Variants in MAGI3 observed in about 807,000 individuals in gnomAD.
MAGI3 encodes membrane-associated guanylate kinase, WW and PDZ domain-containing protein 3.
In MAGI3, 43 loss-of-function variants were observed where a neutral mutation model predicts 121.8. That is an observed-to-expected ratio of 0.35 (90% CI 0.28 to 0.46). The LOEUF (loss-of-function observed/expected upper bound fraction) is 0.46. Among genes scored for constraint, MAGI3 ranks in the 20% least tolerant of loss-of-function variants. MAGI3 has a pLI of 1.00. For missense variants in MAGI3, 1,547 were observed against 1,797.3 expected (o/e 0.86, Z 2.52); for synonymous variants, 553 against 639.3 (o/e 0.86, Z 2.04).
intron 2 of MAGI3, among the ~76,000 whole-genome samples, chr1:113,562,387 C>T (rs892086848): frequency 6.6e-6 from 1 of 151,564 alleles, no homozygotes; most frequent in African/African-American, 2.4e-5. Context: ...TGGGAGACCG[C>T]GAGACTCCAT....
intron 8 of MAGI3, among the ~76,000 whole-genome samples, chr1:113,620,989 A>T (rs1295571580): frequency 2.0e-5 from 3 of 152,242 alleles, no homozygotes; most frequent in Non-Finnish European, 4.4e-5. Context: ...ATTAATAGAC[A>T]TGTACAAGTT....
At chr1:113,615,355 G>T (rs141699094) in intron 7 of MAGI3, among the ~76,000 whole-genome samples, 3 of 152,066 alleles carry the variant, frequency 2.0e-5, no homozygotes, top group African/African-American at 7.2e-5. Flanking sequence ...GACCTCAAGC[G>T]TCTAGCAGCA....
chr1:113,531,791 C>T (rs1302476310), intron 1 of MAGI3, among the ~76,000 whole-genome samples: 1 of 152,044 alleles, frequency 6.6e-6, no homozygotes, highest in Non-Finnish European at 1.5e-5. Context: ...TGATACACAA[C>T]AGAAATCACC....
chr1:113,568,734 G>C lies in MAGI3; in HGVS notation c.434-11808G>C, dbSNP rs113427963. 4.8e-3 allele frequency among the ~76,000 whole-genome samples: 727 copies of C among 151,982 alleles called. 4 individuals carry two copies. The highest frequency in any genetic ancestry group is 7.2e-3 in the Non-Finnish European group (490 of 67,906). On this transcript the variant is annotated intron_variant, in intron 2 of 20. Transcript: ENST00000307546. ...AATAAATTATTTTGAGTAGTCATTT[G>C]GAAAAAAAGGAAATTAGACTGGTAC... is the stretch of plus-strand genomic sequence containing the variant.
chr1:113,509,688 G>T (rs1657519561), intron 1 of MAGI3, among the ~76,000 whole-genome samples: 2 of 120,370 alleles, frequency 1.7e-5, no homozygotes, highest in South Asian at 6.2e-4. Flanking sequence ...CTATAACAAA[G>T]CTTTTTTTCG....
At chr1:113,455,045 C>T (rs1217446584) in intron 1 of MAGI3, among the ~76,000 whole-genome samples, 1 of 151,934 alleles carries the variant, frequency 6.6e-6, no homozygotes, top group Non-Finnish European at 1.5e-5. Context: ...CTGGGCATTA[C>T]CTCTTGTTCA....
chr1:113,424,621 G>A (rs1652906175), intron 1 of MAGI3, among the ~76,000 whole-genome samples: 1 of 152,154 alleles, frequency 6.6e-6, no homozygotes. Flanking sequence ...GTTGTTGCAT[G>A]TAGCAATTAT....
intron 1 of MAGI3, among the ~76,000 whole-genome samples, chr1:113,397,003 C>T (rs1651148265): frequency 6.6e-6 from 1 of 152,066 alleles, no homozygotes; most frequent in African/African-American, 2.4e-5. Flanking sequence ...CTCAAGTCAT[C>T]ACAAAAAGAG....
chr1:113,671,755 G>A lies in MAGI3; in HGVS notation c.2837G>A (p.Gly946Glu). ...ACAGAGCATCATGGTCCACCATCAG[G>A]AACAAACTCAGCCAGGCAAAGCCCA... ...AEEEHHGPPSGTNSARQSPAL... is the reference protein window; with the variant it reads ...AEEEHHGPPSETNSARQSPAL... Residue 946 changes from glycine (G) to glutamate (E), a missense_variant, in exon 17 of 21, where the codon GGA becomes GAA. Gly to Glu is a moderately conservative substitution (Grantham distance 98). Transcript: ENST00000307546. 1 of 1,614,184 alleles carries A rather than the reference G, an allele frequency of 6.2e-7. No individual in the cohort carries two copies. The highest frequency in any genetic ancestry group is 8.5e-7 in the Non-Finnish European group (1 of 1,180,024).
intron 19 of MAGI3, among the ~76,000 whole-genome samples, chr1:113,673,673 C>A (rs1647697150): frequency 6.6e-6 from 1 of 152,202 alleles, no homozygotes; most frequent in Non-Finnish European, 1.5e-5. Flanking sequence ...GTGTGCTAAA[C>A]CATATTGCAG....
At chr1:113,616,042 C>T (rs1167680597) in intron 7 of MAGI3, among the ~76,000 whole-genome samples, 3 of 152,128 alleles carry the variant, frequency 2.0e-5, no homozygotes, top group Non-Finnish European at 2.9e-5. Context: ...TCTTTATTAT[C>T]CATTCCAAGT....
At chr1:113,609,798 T>C (rs1201146736) in intron 6 of MAGI3, among the ~76,000 whole-genome samples, 1 of 152,220 alleles carries the variant, frequency 6.6e-6, no homozygotes, top group East Asian at 1.9e-4. Context: ...AAAATAGTTT[T>C]GTCTTTTGAA....
chr1:113,633,302 C>G (rs1344916552), intron 9 of MAGI3, among the ~76,000 whole-genome samples: 1 of 110,746 alleles, frequency 9.0e-6, no homozygotes, highest in Non-Finnish European at 1.7e-5. Flanking sequence ...CGCTCTGTCG[C>G]CCAGGCTGGA....
At position 113,409,562 on chromosome 1, in the gene MAGI3, G is replaced by A. The variant is rs545091901; in HGVS notation, c.316+18213G>A. 3.3e-5 allele frequency among the ~76,000 whole-genome samples: 5 copies of A among 152,196 alleles called. No homozygotes were observed. In the South Asian group the frequency reaches 1.0e-3, roughly 32 times the overall value. On this transcript the variant is annotated intron_variant, in intron 1 of 20. Coordinates refer to ENST00000307546, the MANE Select transcript of MAGI3 (RefSeq NM_001142782.2). The stretch of plus-strand genomic sequence containing the variant: ...AGAGGCTGAGGCAAGAGAATCACCT[G>A]GGCCCAGGAGGTCAGTGCTCCAGTG...
intron 16 of MAGI3, among the ~76,000 whole-genome samples, chr1:113,659,729 G>A (rs1257740484): frequency 6.6e-6 from 1 of 152,174 alleles, no homozygotes; most frequent in African/African-American, 2.4e-5. Flanking sequence ...CAGGGTAAAG[G>A]AGTGCGTGGG....
At chr1:113,646,874 TAC>T (rs1473967313) in intron 12 of MAGI3, among the ~76,000 whole-genome samples, 1 of 152,138 alleles carries the variant, frequency 6.6e-6, no homozygotes, top group African/African-American at 2.4e-5. Flanking sequence ...GTAACCAGAA[TAC>T]AGAGATAAAT....
At chr1:113,423,096 C>T (rs1029222521) in intron 1 of MAGI3, among the ~76,000 whole-genome samples, 2 of 152,072 alleles carry the variant, frequency 1.3e-5, no homozygotes, top group African/African-American at 4.8e-5. Flanking sequence ...GAGTTCTTGT[C>T]CCACATCCAG....
chr1:113,576,220 CA>C (rs1014737210), intron 2 of MAGI3, among the ~76,000 whole-genome samples: 157 of 151,428 alleles, frequency 1.0e-3, no homozygotes, highest in African/African-American at 3.6e-3. Flanking sequence ...CACTGGAGTA[CA>C]AAAAAAAACT....
chr1:113,518,846 G>C (rs919961570), intron 1 of MAGI3, among the ~76,000 whole-genome samples: 2 of 151,972 alleles, frequency 1.3e-5, no homozygotes, highest in South Asian at 4.2e-4. Context: ...TATAAAATAT[G>C]CTTATTCTAA....
Sources: gnomAD v4.1 joint callset for allele counts (sites outside exome capture counted in the v4.1 genomes callset) on GRCh38, gnomAD v4.1.1 for gene constraint, MANE v1.5 for transcripts, NCBI Gene and HGNC (gene_info 2026-07-23, HGNC 2026-07-21) for gene names.